ZNF676: variants seen among roughly 807,000 people sequenced by gnomAD.
The protein encoded by ZNF676 is zinc finger protein 676.
A neutral mutation model predicts 6.0 loss-of-function variants in ZNF676; 4 were observed. The observed-to-expected ratio is 0.67, with a 90% CI of 0.33 to 1.53. ZNF676 has a LOEUF of 1.53. Among genes scored for constraint, ZNF676 ranks in the 40% most tolerant of loss-of-function variants. The pLI is 0.06. For missense variants in ZNF676, 644 were observed against 679.7 expected, an observed-to-expected ratio of 0.95 and a Z score of 0.58; for synonymous variants, 198 against 223.1, an observed-to-expected ratio of 0.89 and a Z score of 1.00.
At chr19:22,258,395 A>G in the ZNF676 span, among the ~76,000 whole-genome samples, 1 of 152,146 alleles carries the variant, frequency 6.6e-6, no homozygotes, top group Non-Finnish European at 1.5e-5. Flanking sequence ...AAGGAAAGAG[A>G]GTAACATAAC....
intron 2 of ZNF676, among the ~76,000 whole-genome samples, chr19:22,183,565 TCA>T (rs10574715): frequency 0.68 from 102,807 of 151,780 alleles, 35,157 homozygotes; most frequent in South Asian, 0.84. Flanking sequence ...CTGGAACCCC[TCA>T]CACCTTGGGT....
chr19:22,185,614 C>T (rs1287793867), intron 2 of ZNF676, among the ~76,000 whole-genome samples: 1 of 151,846 alleles, frequency 6.6e-6, no homozygotes, highest in Non-Finnish European at 1.5e-5. Context: ...TAACCCAATG[C>T]CAGGAAGCTA....
the ZNF676 span, among the ~76,000 whole-genome samples, chr19:22,256,730 G>A: frequency 1.3e-5 from 2 of 152,086 alleles, no homozygotes; most frequent in African/African-American, 2.4e-5. Flanking sequence ...TAGGTTCTGG[G>A]TCCAGTGATT....
At chr19:22,222,646 T>C in the ZNF676 span, among the ~76,000 whole-genome samples, 1 of 139,772 alleles carries the variant, frequency 7.2e-6, no homozygotes. Context: ...TTATATAAAC[T>C]GGTTACAAGG....
the ZNF676 span, among the ~76,000 whole-genome samples, chr19:22,253,269 T>C: frequency 6.6e-6 from 1 of 151,554 alleles, no homozygotes; most frequent in Non-Finnish European, 1.5e-5. Context: ...TGGGTACATA[T>C]ATGAGTGTCA....
chr19:22,231,742 A>T, the ZNF676 span, among the ~76,000 whole-genome samples: 1 of 151,262 alleles, frequency 6.6e-6, no homozygotes, highest in Middle Eastern at 3.4e-3. Context: ...AGCTGGGACT[A>T]CAGGCGCGTG....
chr19:22,225,565 C>A, the ZNF676 span, among the ~76,000 whole-genome samples: 1 of 152,078 alleles, frequency 6.6e-6, no homozygotes, highest in African/African-American at 2.4e-5. Flanking sequence ...TGTTTTCCAC[C>A]AACAATCAGC....
chr19:22,186,121 C>A (rs2023835326), intron 2 of ZNF676, among the ~76,000 whole-genome samples: 1 of 152,102 alleles, frequency 6.6e-6, no homozygotes, highest in African/African-American at 2.4e-5. Context: ...ATGTTGAGGG[C>A]AGCCACACAG....
At chr19:22,242,843 T>A in the ZNF676 span, among the ~76,000 whole-genome samples, 3 of 135,356 alleles carry the variant, frequency 2.2e-5, no homozygotes, top group South Asian at 2.1e-4. Context: ...TTACCCAAGT[T>A]GGGGGGGGGC....
intron 1 of ZNF676, among the ~76,000 whole-genome samples, chr19:22,204,793 G>GA: frequency 6.6e-6 from 1 of 151,944 alleles, no homozygotes; most frequent in East Asian, 1.9e-4. Flanking sequence ...CTTTTGCCAA[G>GA]AAAAAAGGAA....
At chr19:22,258,155 C>T in the ZNF676 span, among the ~76,000 whole-genome samples, 1 of 151,618 alleles carries the variant, frequency 6.6e-6, no homozygotes, top group Non-Finnish European at 1.5e-5. Flanking sequence ...TCTCTGTGGG[C>T]ATGGTCCAGG....
At chr19:22,247,562 C>G in the ZNF676 span, among the ~76,000 whole-genome samples, 1 of 146,734 alleles carries the variant, frequency 6.8e-6, no homozygotes, top group African/African-American at 2.5e-5. Context: ...GAAACTCTGG[C>G]TCAAAAAAAA....
intron 2 of ZNF676, among the ~76,000 whole-genome samples, chr19:22,192,693 T>A (rs1490716782): frequency 1.3e-5 from 2 of 151,068 alleles, no homozygotes; most frequent in Non-Finnish European, 1.5e-5. Flanking sequence ...TAACATGGAG[T>A]ACCTTAAAAT....
intron 1 of ZNF676, among the ~76,000 whole-genome samples, chr19:22,195,092 C>T (rs1046950734): frequency 5.3e-5 from 8 of 152,062 alleles, no homozygotes; most frequent in African/African-American, 1.7e-4. Context: ...GGTTTTTGAA[C>T]CAGGGGAATA....
At chr19:22,228,180 G>C in the ZNF676 span, among the ~76,000 whole-genome samples, 1 of 152,194 alleles carries the variant, frequency 6.6e-6, no homozygotes, top group East Asian at 1.9e-4. Flanking sequence ...TTCATCCCTG[G>C]GATGCATGGC....
the ZNF676 span, among the ~76,000 whole-genome samples, chr19:22,242,356 A>G: frequency 6.6e-6 from 1 of 151,848 alleles, no homozygotes; most frequent in Non-Finnish European, 1.5e-5. Flanking sequence ...TGCAGGCAAA[A>G]CAAATTCATC....
intron 2 of ZNF676, among the ~76,000 whole-genome samples, chr19:22,185,207 G>A (rs1218949094): frequency 6.6e-6 from 1 of 152,180 alleles, no homozygotes; most frequent in Non-Finnish European, 1.5e-5. Flanking sequence ...AGCCTCTGCT[G>A]GTGATACCCA....
chr19:22,184,818 G>T (rs963940148), intron 2 of ZNF676, among the ~76,000 whole-genome samples: 1 of 113,836 alleles, frequency 8.8e-6, no homozygotes, highest in Non-Finnish European at 1.7e-5. Context: ...TTTGGGCAGG[G>T]CATCTTTGAA....
chr19:22,195,502 A>G (rs1430663720), intron 1 of ZNF676, among the ~76,000 whole-genome samples: 1 of 152,172 alleles, frequency 6.6e-6, no homozygotes, highest in Non-Finnish European at 1.5e-5. Context: ...TGGTCACACT[A>G]ATAACTTCTA....
Sources: allele counts gnomAD v4.1 joint callset (sites outside exome capture counted in the v4.1 genomes callset), GRCh38; gene constraint gnomAD v4.1.1; transcripts MANE v1.5; gene names NCBI Gene and HGNC (gene_info 2026-07-23, HGNC 2026-07-21).